SPTLC1: variants seen among roughly 807,000 people sequenced by gnomAD.
The protein encoded by SPTLC1 is serine palmitoyltransferase 1.
SPTLC1 carries 55 observed loss-of-function variants against 68.9 expected under a neutral mutation model. The ratio of observed to expected loss-of-function variants is 0.80; its 90% CI spans 0.64 to 1.00. SPTLC1 has a LOEUF of 1.00. Ranked by LOEUF, SPTLC1 falls within the 50% of genes least tolerant of loss-of-function variation. The pLI is 0.00. For synonymous variants in SPTLC1, 197 were observed against 201.6 expected (o/e 0.98, Z 0.19); for missense variants, 449 against 573.1 (o/e 0.78, Z 2.21).
At chr9:92,073,918 T>C (rs1161888973) in intron 5 of SPTLC1, among the ~76,000 whole-genome samples, 6 of 152,178 alleles carry the variant, frequency 3.9e-5, no homozygotes, top group Non-Finnish European at 8.8e-5. Flanking sequence ...ACCTGGCCAC[T>C]GGGCCAAGGA....
intron 3 of SPTLC1, among the ~76,000 whole-genome samples, chr9:92,082,284 C>G (rs1018991945): frequency 1.3e-5 from 2 of 152,002 alleles, no homozygotes; most frequent in Non-Finnish European, 2.9e-5. Flanking sequence ...TACATGTGCA[C>G]AATGTGCAGG....
intron 3 of SPTLC1, among the ~76,000 whole-genome samples, chr9:92,084,636 G>A (rs536567306): frequency 0.011 from 1,744 of 151,804 alleles, 28 homozygotes; most frequent in African/African-American, 0.04. Context: ...TGCTGGATTC[G>A]GTTTGCCAGT....
intron 3 of SPTLC1, among the ~76,000 whole-genome samples, chr9:92,092,882 T>G (rs983452328): frequency 1.3e-5 from 2 of 152,226 alleles, no homozygotes; most frequent in African/African-American, 4.8e-5. Context: ...GTCCTAAACA[T>G]ATATGAAACT....
intron 12 of SPTLC1, among the ~76,000 whole-genome samples, chr9:92,040,415 A>G (rs540216773): frequency 1.3e-5 from 2 of 152,056 alleles, no homozygotes; most frequent in Admixed American, 6.6e-5. Context: ...AAAACAACAA[A>G]AAAAACTGCT....
chr9:92,060,679 GGT>G (rs1157447340), intron 6 of SPTLC1, among the ~76,000 whole-genome samples: 1 of 151,864 alleles, frequency 6.6e-6, no homozygotes, highest in Non-Finnish European at 1.5e-5. Context: ...GGCCAAGGCG[GGT>G]GGATCACGAG....
At chr9:92,051,130 C>T in intron 8 of SPTLC1, 1 of 985,050 alleles carries the variant, frequency 1.0e-6, no homozygotes, top group Non-Finnish European at 1.2e-6. Flanking sequence ...ACCATTGACA[C>T]TCTTACAAAA....
chr9:92,114,880 A>G (rs760154720), intron 1 of SPTLC1: 35 of 187,624 alleles, frequency 1.9e-4, no homozygotes, highest in Non-Finnish European at 3.1e-4. Context: ...CGACAAAAAC[A>G]AACTCCAATT....
At chr9:92,048,084 T>C (rs1323817886) in intron 9 of SPTLC1, among the ~76,000 whole-genome samples, 4 of 152,234 alleles carry the variant, frequency 2.6e-5, no homozygotes, top group Non-Finnish European at 5.9e-5. Flanking sequence ...CCTCATGGGA[T>C]GCACTGAGAT....
At chr9:92,059,153 T>C (rs774024227) in intron 7 of SPTLC1, 26 bp downstream of exon 7, 2 of 1,610,272 alleles carry the variant, frequency 1.2e-6, no homozygotes, top group African/African-American at 1.3e-5. Flanking sequence ...AAAAGAACTG[T>C]ATAATTTTCT....
chr9:92,112,717 C>T (rs1163581747), intron 1 of SPTLC1, among the ~76,000 whole-genome samples, 155 bp from the exon 2 acceptor site: 6 of 152,184 alleles, frequency 3.9e-5, no homozygotes, highest in African/African-American at 1.2e-4. Flanking sequence ...TCATTCCTTT[C>T]CCCATTTCTA....
intron 13 of SPTLC1, among the ~76,000 whole-genome samples, chr9:92,036,495 C>T (rs79673077): frequency 3.4e-4 from 52 of 152,312 alleles, no homozygotes; most frequent in Middle Eastern, 3.4e-3. Flanking sequence ...AGGCAACTGT[C>T]CCTCAACATG....
In SPTLC1 at chr9:92,034,896, AAAG is replaced by A. The variant is rs1282999181; in HGVS notation, c.1255-16_1255-14del. On this transcript the variant is annotated splice_polypyrimidine_tract_variant and intron_variant, in intron 13 of 14. Transcript: ENST00000262554. ...TTCTGTTCATGCACTGTAGGAAGAA[AAAG>A]AAGACATCTGCAACCTGGACTTCAG... is the stretch of plus-strand genomic sequence containing the variant. The A allele has an allele frequency of 6.2e-7, 1 of 1,612,042 alleles. No individual in the cohort carries two copies. Among genetic ancestry groups the A allele is most frequent in the Non-Finnish European group, 8.5e-7 (1 of 1,179,048 alleles).
At chr9:92,032,654 A>C (rs1425100157) in intron 14 of SPTLC1, 96 bp from the exon 15 acceptor site, 2 of 1,506,276 alleles carry the variant, frequency 1.3e-6, no homozygotes, top group Non-Finnish European at 1.8e-6. Context: ...AGGCAGGTGG[A>C]TCACGAGGTC....
chr9:92,053,178 G>A (rs541911278), intron 8 of SPTLC1, among the ~76,000 whole-genome samples: 1 of 151,626 alleles, frequency 6.6e-6, no homozygotes, highest in Non-Finnish European at 1.5e-5. Flanking sequence ...CCATTTGGGG[G>A]AAACAGGATC....
At chr9:92,042,211 A>T (rs1833375047) in intron 12 of SPTLC1, among the ~76,000 whole-genome samples, 1 of 152,218 alleles carries the variant, frequency 6.6e-6, no homozygotes, top group African/African-American at 2.4e-5. Context: ...CTATACTGGG[A>T]ATAAGGAAGG....
At chr9:92,103,974 A>AG (rs1187949610) in intron 3 of SPTLC1, among the ~76,000 whole-genome samples, 3 of 152,162 alleles carry the variant, frequency 2.0e-5, no homozygotes, top group Non-Finnish European at 4.4e-5. Flanking sequence ...GCTAGAGTCC[A>AG]GGGGGACTGG....
chr9:92,038,196 G>A lies in SPTLC1; in HGVS notation c.1254+52C>T. 4.1e-6 allele frequency: 5 copies of A among 1,227,894 alleles called. No homozygotes were observed. In the South Asian group the frequency reaches 4.8e-5, roughly 12 times the overall value. 76.1% of individuals were successfully genotyped at this position (1,227,894 alleles called of 1,614,324 possible). A position where few individuals can be genotyped will look rare whatever the true frequency, so the allele number is the denominator to read the frequency against. On this transcript the variant is annotated intron_variant, in intron 13 of 14. Transcript: ENST00000262554. The stretch of plus-strand genomic sequence containing the variant: ...AAATTTAACATTAAAAAATTGCTTG[G>A]GGCAAGGGCAGAAGTGGTGTGGGGG...
intron 3 of SPTLC1, among the ~76,000 whole-genome samples, chr9:92,089,413 C>A (rs1835276120): frequency 1.3e-5 from 2 of 151,964 alleles, no homozygotes; most frequent in East Asian, 3.9e-4. Context: ...AATTCTATCT[C>A]AAAAACAAAA....
intron 3 of SPTLC1, chr9:92,104,473 C>T: frequency 7.1e-7 from 1 of 1,411,216 alleles, no homozygotes; most frequent in East Asian, 2.5e-5. Context: ...ACAGAGGGTC[C>T]TGCCTCCTGT....
Sources: gnomAD v4.1 joint callset for allele counts (sites outside exome capture counted in the v4.1 genomes callset) on GRCh38, gnomAD v4.1.1 for gene constraint, MANE v1.5 for transcripts, NCBI Gene and HGNC (gene_info 2026-07-23, HGNC 2026-07-21) for gene names.